Variants in SYNDIG1 observed in about 807,000 individuals in gnomAD.
The protein encoded by SYNDIG1 is synapse differentiation inducing 1, also known as synapse differentiation-inducing gene protein 1.
Under a neutral mutation model 19.4 loss-of-function variants are expected in SYNDIG1, and 9 were observed. The observed-to-expected ratio is 0.46, with a 90% CI of 0.28 to 0.81. SYNDIG1 has a LOEUF of 0.81. Ranked by LOEUF, SYNDIG1 falls within the 30% of genes least tolerant of loss-of-function variation. The probability of loss-of-function intolerance (pLI) is 0.12; values close to 1 mark genes in which losing one functional copy is unlikely to be tolerated. For synonymous variants in SYNDIG1, 141 were observed against 145.9 expected, an observed-to-expected ratio of 0.97 and a Z score of 0.24; for missense variants, 311 against 343.3, an observed-to-expected ratio of 0.91 and a Z score of 0.74.
intron 1 of SYNDIG1, among the ~76,000 whole-genome samples, chr20:24,482,768 A>G (rs2146254440): frequency 6.6e-6 from 1 of 152,350 alleles, no homozygotes; most frequent in African/African-American, 2.4e-5. Flanking sequence ...TGTGCTGGGT[A>G]TGTATTTACA....
chr20:24,612,527 C>A (rs2058865747), intron 3 of SYNDIG1, among the ~76,000 whole-genome samples: 1 of 152,220 alleles, frequency 6.6e-6, no homozygotes, highest in African/African-American at 2.4e-5. Flanking sequence ...CTGATCTTGG[C>A]ACAACCTTTC....
intron 3 of SYNDIG1, among the ~76,000 whole-genome samples, chr20:24,619,751 G>A (rs577621631): frequency 6.6e-5 from 10 of 152,304 alleles, no homozygotes; most frequent in Middle Eastern, 3.4e-3. Context: ...GCCATTAAAG[G>A]AAAGTCATCT....
intron 2 of SYNDIG1, among the ~76,000 whole-genome samples, chr20:24,544,231 TG>T (rs1363325415): frequency 6.6e-6 from 1 of 152,200 alleles, no homozygotes; most frequent in African/African-American, 2.4e-5. Flanking sequence ...GCTGAGTGTG[TG>T]GCACATTGTC....
chr20:24,652,634 C>G (rs1320641598), intron 3 of SYNDIG1, among the ~76,000 whole-genome samples: 3 of 152,250 alleles, frequency 2.0e-5, no homozygotes, highest in African/African-American at 7.2e-5. Flanking sequence ...GCAGATGACA[C>G]CAGTGCTGCA....
At chr20:24,611,840 T>A (rs190580554) in intron 3 of SYNDIG1, among the ~76,000 whole-genome samples, 2 of 152,328 alleles carry the variant, frequency 1.3e-5, no homozygotes, top group African/African-American at 2.4e-5. Flanking sequence ...CAGAGCCCTC[T>A]TGTTGTTACT....
chr20:24,556,443 C>G (rs1473613234), intron 2 of SYNDIG1, among the ~76,000 whole-genome samples: 3 of 152,192 alleles, frequency 2.0e-5, no homozygotes, highest in Non-Finnish European at 4.4e-5. Flanking sequence ...GGGGCTGGTA[C>G]CGATTGTTCC....
At chr20:24,657,313 G>A (rs1306304359) in intron 3 of SYNDIG1, among the ~76,000 whole-genome samples, 2 of 152,210 alleles carry the variant, frequency 1.3e-5, no homozygotes, top group Non-Finnish European at 2.9e-5. Flanking sequence ...GGTGATGTCT[G>A]TAAATTGAGA....
At chr20:24,506,442 GC>G (rs1188320498) in intron 1 of SYNDIG1, among the ~76,000 whole-genome samples, 5 of 152,192 alleles carry the variant, frequency 3.3e-5, no homozygotes, top group Non-Finnish European at 7.3e-5. Context: ...GGAGAGCATG[GC>G]CACAGTCCCC....
chr20:24,475,709 A>G (rs920454835), intron 1 of SYNDIG1, among the ~76,000 whole-genome samples: 7 of 152,236 alleles, frequency 4.6e-5, no homozygotes, highest in African/African-American at 1.7e-4. Flanking sequence ...AGTCCCACCA[A>G]TCCTAACCTA....
chr20:24,543,897 T>A (rs545537665), intron 2 of SYNDIG1, among the ~76,000 whole-genome samples: 4 of 151,970 alleles, frequency 2.6e-5, no homozygotes. Flanking sequence ...GACAGAGAGG[T>A]CATTGACAAG....
At chr20:24,586,020 G>A (rs1281394284) in intron 3 of SYNDIG1, among the ~76,000 whole-genome samples, 1 of 152,238 alleles carries the variant, frequency 6.6e-6, no homozygotes, top group African/African-American at 2.4e-5. Flanking sequence ...GGTTGGGTTT[G>A]TTGGACGAGT....
chr20:24,664,880 G>A (rs964926792), intron 3 of SYNDIG1, among the ~76,000 whole-genome samples: 31 of 152,120 alleles, frequency 2.0e-4, no homozygotes, highest in African/African-American at 6.0e-4. Flanking sequence ...ATTGCCTTCC[G>A]CACACCTCCA....
At chr20:24,634,851 T>C (rs1322343995) in intron 3 of SYNDIG1, among the ~76,000 whole-genome samples, 1 of 152,196 alleles carries the variant, frequency 6.6e-6, no homozygotes, top group African/African-American at 2.4e-5. Flanking sequence ...GTATCTTCAG[T>C]GGTTGCTGGA....
intron 3 of SYNDIG1, among the ~76,000 whole-genome samples, chr20:24,588,654 A>G (rs1310743328): frequency 6.6e-6 from 1 of 152,148 alleles, no homozygotes; most frequent in African/African-American, 2.4e-5. Context: ...TGGGAATCTA[A>G]TAAGAAGTGG....
At chr20:24,476,666 A>G (rs374044767) in intron 1 of SYNDIG1, among the ~76,000 whole-genome samples, 4 of 151,878 alleles carry the variant, frequency 2.6e-5, no homozygotes, top group Non-Finnish European at 5.9e-5. Context: ...CAAGACTCCA[A>G]CTAAAAAAAA....
At chr20:24,538,344 A>T (rs2057402216) in intron 1 of SYNDIG1, among the ~76,000 whole-genome samples, 1 of 152,228 alleles carries the variant, frequency 6.6e-6, no homozygotes, top group African/African-American at 2.4e-5. Context: ...ATATTGATGG[A>T]ATCATACAGC....
At chr20:24,617,944 G>C (rs2058967865) in intron 3 of SYNDIG1, among the ~76,000 whole-genome samples, 1 of 146,588 alleles carries the variant, frequency 6.8e-6, no homozygotes, top group Non-Finnish European at 1.5e-5. Context: ...AGTGGGGAGA[G>C]CCTGGGGAGG....
chr20:24,484,360 T>C (rs1214877037), intron 1 of SYNDIG1, among the ~76,000 whole-genome samples: 9 of 152,142 alleles, frequency 5.9e-5, no homozygotes, highest in Admixed American at 5.9e-4. Flanking sequence ...ATGAACGATA[T>C]TGGCCTTTCT....
chr20:24,585,056 G>GGGGCGC, intron 3 of SYNDIG1, 63 bp downstream of exon 3: 12 of 545,662 alleles, frequency 2.2e-5, no homozygotes, highest in Non-Finnish European at 3.8e-5. Context: ...GGTGGGGGCG[G>GGGGCGC]CAATCCCAGC....
Sources: gnomAD v4.1 joint callset for allele counts (sites outside exome capture counted in the v4.1 genomes callset) on GRCh38, gnomAD v4.1.1 for gene constraint, MANE v1.5 for transcripts, NCBI Gene and HGNC (gene_info 2026-07-23, HGNC 2026-07-21) for gene names.